CACNA2D3: variants seen among roughly 807,000 people sequenced by gnomAD.
The protein encoded by CACNA2D3 is calcium voltage-gated channel auxiliary subunit alpha2delta 3.
In CACNA2D3, 60 loss-of-function variants were observed where a neutral mutation model predicts 160.6. The observed-to-expected ratio is 0.37, with a 90% CI of 0.30 to 0.46. CACNA2D3 has a LOEUF of 0.46. Among genes scored for constraint, CACNA2D3 ranks in the 20% least tolerant of loss-of-function variants. CACNA2D3 has a pLI of 1.00. For missense variants in CACNA2D3, 1,205 were observed against 1,365.0 expected (o/e 0.88, Z 1.85); for synonymous variants, 558 against 492.9 (o/e 1.13, Z -1.75).
At chr3:54,998,721 T>TTGTTC (rs1178119084) in intron 31 of CACNA2D3, among the ~76,000 whole-genome samples, 3 of 104,612 alleles carry the variant, frequency 2.9e-5, no homozygotes, top group African/African-American at 8.7e-5. Flanking sequence ...GGTTTTTGTT[T>TTGTTC]TGTTTTGTTT....
intron 35 of CACNA2D3, among the ~76,000 whole-genome samples, chr3:55,039,192 T>C (rs191499615): frequency 1.3e-3 from 205 of 152,282 alleles, no homozygotes; most frequent in African/African-American, 4.6e-3. Context: ...TTTCTTCACC[T>C]GTAGAAACCA....
intron 4 of CACNA2D3, among the ~76,000 whole-genome samples, chr3:54,465,643 C>G (rs1379110791): frequency 6.6e-6 from 1 of 152,176 alleles, no homozygotes; most frequent in East Asian, 1.9e-4. Flanking sequence ...TTGGAACCCT[C>G]TAGCACACAG....
intron 3 of CACNA2D3, among the ~76,000 whole-genome samples, chr3:54,384,845 G>C (rs767527103): frequency 5.3e-5 from 8 of 151,972 alleles, no homozygotes; most frequent in Non-Finnish European, 7.4e-5. Context: ...TCAGCCTCCT[G>C]AATAGCTGAG....
intron 3 of CACNA2D3, among the ~76,000 whole-genome samples, chr3:54,375,528 G>A (rs1449329): frequency 0.24 from 36,393 of 151,972 alleles, 4,472 homozygotes; most frequent in Middle Eastern, 0.32. Context: ...ACAAGGATCT[G>A]GGACAAGAAT....
At chr3:54,820,310 TC>T (rs1703561689) in intron 14 of CACNA2D3, among the ~76,000 whole-genome samples, 1 of 152,246 alleles carries the variant, frequency 6.6e-6, no homozygotes, top group South Asian at 2.1e-4. Context: ...CATTTGGGTG[TC>T]CCTCTTATGT....
chr3:54,809,082 C>G (rs756432156), intron 13 of CACNA2D3, among the ~76,000 whole-genome samples: 5 of 151,992 alleles, frequency 3.3e-5, no homozygotes, highest in Non-Finnish European at 7.4e-5. Context: ...TTCAGAGACG[C>G]TATATTGTTG....
At chr3:54,918,869 A>G (rs770188354) in intron 27 of CACNA2D3, 2 of 1,554,354 alleles carry the variant, frequency 1.3e-6, no homozygotes, top group Non-Finnish European at 1.7e-6. Flanking sequence ...GGTGATTCAC[A>G]GATGATGCCG....
At chr3:54,608,493 C>T (rs1698682615) in intron 9 of CACNA2D3, among the ~76,000 whole-genome samples, 1 of 152,154 alleles carries the variant, frequency 6.6e-6, no homozygotes, top group African/African-American at 2.4e-5. Flanking sequence ...ACGAAAATCA[C>T]ACACACAATA....
intron 2 of CACNA2D3, among the ~76,000 whole-genome samples, chr3:54,227,946 C>T (rs1701704965): frequency 6.6e-6 from 1 of 152,172 alleles, no homozygotes; most frequent in Non-Finnish European, 1.5e-5. Context: ...GCAGAACTGA[C>T]TTGCATTGGA....
intron 11 of CACNA2D3, among the ~76,000 whole-genome samples, chr3:54,707,075 G>A (rs895856077): frequency 6.6e-6 from 1 of 152,200 alleles, no homozygotes; most frequent in African/African-American, 2.4e-5. Context: ...CGTAGAAGGC[G>A]TATTAATGGG....
intron 9 of CACNA2D3, chr3:54,626,534 A>G: frequency 1.4e-5 from 22 of 1,606,976 alleles, no homozygotes; most frequent in Non-Finnish European, 1.8e-5. Context: ...GTGGAGATCA[A>G]GCCCGAGATG....
At chr3:54,630,621 G>A (rs616113) in intron 10 of CACNA2D3, among the ~76,000 whole-genome samples, 69,643 of 151,980 alleles carry the variant, frequency 0.46, 16,676 homozygotes, top group Non-Finnish European at 0.52. Flanking sequence ...CATCATCTCC[G>A]TATTAGCATC....
At chr3:54,782,701 GAAA>G (rs1021693086) in intron 13 of CACNA2D3, among the ~76,000 whole-genome samples, 1 of 146,540 alleles carries the variant, frequency 6.8e-6, no homozygotes, top group African/African-American at 2.5e-5. Flanking sequence ...TTGAGAAAAA[GAAA>G]AAAAAAAGTC....
At chr3:54,163,903 A>G (rs962850823) in intron 2 of CACNA2D3, among the ~76,000 whole-genome samples, 1 of 152,170 alleles carries the variant, frequency 6.6e-6, no homozygotes, top group African/African-American at 2.4e-5. Flanking sequence ...CTTGCTGGGG[A>G]CAAGACCTAG....
At chr3:54,559,450 G>A (rs1300748934) in intron 5 of CACNA2D3, among the ~76,000 whole-genome samples, 3 of 151,988 alleles carry the variant, frequency 2.0e-5, no homozygotes, top group South Asian at 2.1e-4. Context: ...CCGCCACCAC[G>A]CCCAGCTAGT....
chr3:54,644,248 C>T (rs1191065612), intron 11 of CACNA2D3, among the ~76,000 whole-genome samples: 1 of 152,016 alleles, frequency 6.6e-6, no homozygotes, highest in Non-Finnish European at 1.5e-5. Flanking sequence ...AACCAGAATT[C>T]TGGAAATTTC....
intron 9 of CACNA2D3, chr3:54,626,505 C>T (rs536001608): frequency 6.2e-6 from 10 of 1,607,616 alleles, no homozygotes; most frequent in South Asian, 3.3e-5. Context: ...GCGTCTACAA[C>T]GGCAAGACCT....
chr3:54,131,244 CCT>C (rs1208241614), intron 2 of CACNA2D3, among the ~76,000 whole-genome samples: 4 of 152,218 alleles, frequency 2.6e-5, no homozygotes, highest in Non-Finnish European at 4.4e-5. Flanking sequence ...CCAGCTGACC[CCT>C]GATGAGAGCA....
At chr3:54,485,560 A>G (rs955307256) in intron 4 of CACNA2D3, among the ~76,000 whole-genome samples, 1 of 151,638 alleles carries the variant, frequency 6.6e-6, no homozygotes, top group Non-Finnish European at 1.5e-5. Context: ...AGCATAGTAT[A>G]ATAGACACTT....
Sources: allele counts gnomAD v4.1 joint callset (sites outside exome capture counted in the v4.1 genomes callset), GRCh38; gene constraint gnomAD v4.1.1; transcripts MANE v1.5; gene names NCBI Gene and HGNC (gene_info 2026-07-23, HGNC 2026-07-21).